AGBL1: variants seen among roughly 807,000 people sequenced by gnomAD.
The protein encoded by AGBL1 is cytosolic carboxypeptidase 4.
Under a neutral mutation model 118.9 loss-of-function variants are expected in AGBL1, and 130 were observed. That is an observed-to-expected ratio of 1.09 (90% CI 0.95 to 1.26). The LOEUF (loss-of-function observed/expected upper bound fraction) is 1.26. AGBL1 is among the 50% of genes most tolerant of loss of function. AGBL1 has a pLI of 0.00. For missense variants in AGBL1, 1,584 were observed against 1,298.1 expected (o/e 1.22, Z -3.38); for synonymous variants, 555 against 478.9 (o/e 1.16, Z -2.08).
At position 86,910,792 on chromosome 15, in the gene AGBL1, C is replaced by A. The variant is rs1300875289; in HGVS notation, c.*3498C>A. ...GGGACACAGGTGAATGTCCTGAGCA[C>A]CTAAGCCCAGGTGTCAGTGAGTTGG... On this transcript the variant is annotated 3_prime_UTR_variant, in exon 23 of 23. Transcript: ENST00000614907. The A allele has an allele frequency of 6.6e-6, 1 of 152,160 alleles. No homozygotes were observed. Among genetic ancestry groups the A allele is most frequent in the Non-Finnish European group, 1.5e-5 (1 of 68,064 alleles). 9.4% of individuals were successfully genotyped at this position (152,160 alleles called of 1,614,324 possible).
At chr15:86,243,912 C>T (rs1019654124) in intron 6 of AGBL1, among the ~76,000 whole-genome samples, 4 of 151,696 alleles carry the variant, frequency 2.6e-5, no homozygotes, top group Admixed American at 1.3e-4. Context: ...CCCAGTTATG[C>T]GGGAGGCTGA....
At chr15:86,090,299 C>A (rs969662880) in intron 1 of AGBL1, among the ~76,000 whole-genome samples, 1 of 152,108 alleles carries the variant, frequency 6.6e-6, no homozygotes, top group Non-Finnish European at 1.5e-5. Context: ...AAAGGTAATA[C>A]CTGTTCACTA....
intron 5 of AGBL1, among the ~76,000 whole-genome samples, chr15:86,213,841 C>A (rs933195846): frequency 2.0e-5 from 3 of 152,124 alleles, no homozygotes; most frequent in Non-Finnish European, 4.4e-5. Context: ...TATTGTAGAA[C>A]TATTTCCACT....
At chr15:86,813,292 A>G (rs942339220) in intron 22 of AGBL1, among the ~76,000 whole-genome samples, 1 of 152,066 alleles carries the variant, frequency 6.6e-6, no homozygotes, top group Admixed American at 6.5e-5. Flanking sequence ...CCGCTGTGCT[A>G]TTCCCAGTAC....
intron 23 of AGBL1, among the ~76,000 whole-genome samples, chr15:86,922,665 T>C (rs1261411197): frequency 1.3e-5 from 2 of 152,192 alleles, no homozygotes; most frequent in Non-Finnish European, 2.9e-5. Context: ...TTAAATGCTA[T>C]AAATTATACC....
intron 22 of AGBL1, among the ~76,000 whole-genome samples, chr15:86,783,480 G>A (rs2078362938): frequency 6.6e-6 from 1 of 152,132 alleles, no homozygotes; most frequent in Non-Finnish European, 1.5e-5. Flanking sequence ...AAGAATGTGT[G>A]GTCTATGTGT....
chr15:86,848,026 G>T (rs1467219888), intron 22 of AGBL1, among the ~76,000 whole-genome samples: 1 of 152,136 alleles, frequency 6.6e-6, no homozygotes, highest in Non-Finnish European at 1.5e-5. Context: ...GCTGCTTAGT[G>T]TGGGGTGTTT....
chr15:86,599,805 A>AT (rs974694608), intron 21 of AGBL1, among the ~76,000 whole-genome samples: 9 of 152,018 alleles, frequency 5.9e-5, no homozygotes, highest in Non-Finnish European at 1.0e-4. Flanking sequence ...GGTAAACACT[A>AT]TTTTTTTGCT....
chr15:86,439,751 G>A (rs1466196707), intron 18 of AGBL1, among the ~76,000 whole-genome samples: 1 of 152,154 alleles, frequency 6.6e-6, no homozygotes, highest in Non-Finnish European at 1.5e-5. Flanking sequence ...ACATTTACTT[G>A]AGGTGTTATG....
intron 18 of AGBL1, among the ~76,000 whole-genome samples, chr15:86,492,948 G>A (rs2082802721): frequency 6.6e-6 from 1 of 152,076 alleles, no homozygotes; most frequent in African/African-American, 2.4e-5. Flanking sequence ...CAGCACTTTG[G>A]GAGACTGAGG....
intron 17 of AGBL1, among the ~76,000 whole-genome samples, chr15:86,325,772 G>C (rs577127300): frequency 6.6e-6 from 1 of 152,250 alleles, no homozygotes; most frequent in East Asian, 1.9e-4. Flanking sequence ...TGGAAATATA[G>C]GTTGCTATTT....
rs186681671 is a variant in AGBL1 at position 86,659,632 on chromosome 15, C to G, written c.2995-14641C>G. Among the ~76,000 whole-genome samples, 379 of 152,290 alleles carry G rather than the reference C, an allele frequency of 2.5e-3. 4 individuals are homozygous for G. Among genetic ancestry groups the G allele is most frequent in the African/African-American group, 8.3e-3 (346 of 41,560 alleles). On this transcript the variant is annotated intron_variant, in intron 21 of 22. Coordinates refer to ENST00000614907, the MANE Select transcript of AGBL1 (RefSeq NM_001386094.1). ...TCTTTTGTCAACCGTAAGATCTAAC[C>G]TGATCAGGTTATGAACCTGATCATA...
chr15:87,016,257 C>T (rs1300553033), intron 24 of AGBL1, among the ~76,000 whole-genome samples: 1 of 31,834 alleles, frequency 3.1e-5, no homozygotes, highest in East Asian at 1.3e-3. Flanking sequence ...ATAACTGTCC[C>T]AGGTGATTTA....
chr15:86,510,918 G>T (rs945732824), intron 18 of AGBL1, among the ~76,000 whole-genome samples: 1 of 152,064 alleles, frequency 6.6e-6, no homozygotes, highest in African/African-American at 2.4e-5. Flanking sequence ...ACTGTGATGG[G>T]TTGGTGCTGA....
At chr15:86,239,094 G>T (rs1012163444) in intron 6 of AGBL1, among the ~76,000 whole-genome samples, 6 of 152,176 alleles carry the variant, frequency 3.9e-5, no homozygotes, top group Admixed American at 3.3e-4. Context: ...TTTGGGACTA[G>T]TTCTGTGGCA....
chr15:86,249,542 C>T (rs574552928), intron 7 of AGBL1, among the ~76,000 whole-genome samples: 6 of 152,230 alleles, frequency 3.9e-5, no homozygotes, highest in East Asian at 3.9e-4. Context: ...TTCTATTTCT[C>T]GACATGAAGC....
At chr15:86,741,466 T>C (rs1245306558) in intron 22 of AGBL1, among the ~76,000 whole-genome samples, 4 of 120,046 alleles carry the variant, frequency 3.3e-5, no homozygotes, top group Non-Finnish European at 6.7e-5. Context: ...AAGGAAATGA[T>C]GAATGATTAG....
chr15:86,175,453 A>T (rs935800278), intron 5 of AGBL1, among the ~76,000 whole-genome samples: 4 of 151,768 alleles, frequency 2.6e-5, no homozygotes, highest in Non-Finnish European at 4.4e-5. Flanking sequence ...TTTTTTAAAA[A>T]CTTCATTTCA....
At chr15:86,646,478 T>A (rs915108092) in intron 21 of AGBL1, among the ~76,000 whole-genome samples, 1 of 152,172 alleles carries the variant, frequency 6.6e-6, no homozygotes. Context: ...ATCCTCATCT[T>A]TCTGTTTACT....
Sources: gnomAD v4.1 joint callset for allele counts (sites outside exome capture counted in the v4.1 genomes callset) on GRCh38, gnomAD v4.1.1 for gene constraint, MANE v1.5 for transcripts, NCBI Gene and HGNC (gene_info 2026-07-23, HGNC 2026-07-21) for gene names.